The following XYLT1 variants were observed in gnomAD, a reference collection of about 807,000 sequenced individuals.
The protein encoded by XYLT1 is xylosyltransferase 1.
Under a neutral mutation model 91.3 loss-of-function variants are expected in XYLT1, and 36 were observed. The observed-to-expected ratio is 0.39, with a 90% CI of 0.30 to 0.52. The LOEUF (loss-of-function observed/expected upper bound fraction) is 0.52, where lower values mean the gene tolerates loss of function less well. Among genes scored for constraint, XYLT1 ranks in the 20% least tolerant of loss-of-function variants. XYLT1 has a pLI of 0.68. For synonymous variants in XYLT1, 588 were observed against 532.0 expected, an observed-to-expected ratio of 1.11 and a Z score of -1.45; for missense variants, 1,242 against 1,284.5, an observed-to-expected ratio of 0.97 and a Z score of 0.51.
At chr16:17,394,323 G>C (rs1451372863) in intron 1 of XYLT1, among the ~76,000 whole-genome samples, 1 of 152,204 alleles carries the variant, frequency 6.6e-6, no homozygotes, top group South Asian at 2.1e-4. Flanking sequence ...CACCGTTGCA[G>C]TTCACGGAGA....
At chr16:17,272,932 C>T (rs1005975495) in intron 2 of XYLT1, among the ~76,000 whole-genome samples, 3 of 152,092 alleles carry the variant, frequency 2.0e-5, no homozygotes, top group African/African-American at 4.8e-5. Context: ...GTTCTGGAAG[C>T]GTGTGGTGGC....
intron 5 of XYLT1, among the ~76,000 whole-genome samples, chr16:17,179,363 C>T (rs1171818314): frequency 6.6e-6 from 1 of 152,140 alleles, no homozygotes; most frequent in Admixed American, 6.5e-5. Flanking sequence ...GCACATGTAC[C>T]CCTGAACCTC....
intron 2 of XYLT1, chr16:17,338,095 A>G (rs1292409885): frequency 2.3e-5 from 10 of 429,656 alleles, no homozygotes; most frequent in Non-Finnish European, 4.7e-6. Context: ...TGGCCCTCAA[A>G]TCTGTCCCCT....
At chr16:17,386,659 A>G (rs1385356724) in intron 1 of XYLT1, among the ~76,000 whole-genome samples, 1 of 152,212 alleles carries the variant, frequency 6.6e-6, no homozygotes, top group African/African-American at 2.4e-5. Flanking sequence ...TGTCAATTGC[A>G]TCCAAGAAGA....
At chr16:17,450,929 G>A (rs2036657699) in intron 1 of XYLT1, among the ~76,000 whole-genome samples, 1 of 152,216 alleles carries the variant, frequency 6.6e-6, no homozygotes. Flanking sequence ...AGATGAGGGA[G>A]AGAAGTTCCG....
chr16:17,292,849 C>T (rs181833555), intron 2 of XYLT1, among the ~76,000 whole-genome samples: 15 of 152,298 alleles, frequency 9.8e-5, no homozygotes, highest in Non-Finnish European at 1.3e-4. Flanking sequence ...ACACTTTGCC[C>T]AGTCCCACGG....
rs1222488106 is a variant in XYLT1 at position 17,105,019 on chromosome 16, ACCTCTCCACCCCTAGATGTACC to A, written c.*3654_*3675del. ...GTTAACAGCTGTTTCTAGAATGTACACCTCTCCACCCCTAGATGTACCCCTCCACCTGAATGTACACCTCTCC... is the reference window on the plus strand; with the variant it reads ...GTTAACAGCTGTTTCTAGAATGTACACCTCCACCTGAATGTACACCTCTCC... On this transcript the variant is annotated 3_prime_UTR_variant, in exon 12 of 12. Coordinates refer to ENST00000261381, the MANE Select transcript of XYLT1 (RefSeq NM_022166.4). 1 of 133,970 alleles carries A rather than the reference ACCTCTCCACCCCTAGATGTACC, an allele frequency of 7.5e-6. No homozygotes were observed. The highest frequency in any genetic ancestry group is 4.1e-5 in the African/African-American group (1 of 24,552). The allele number at this position is 133,970 out of a possible 1,614,324, so 8.3% of individuals were successfully genotyped here. A position where few individuals can be genotyped will look rare whatever the true frequency, so the allele number is the denominator to read the frequency against.
At chr16:17,153,754 A>G (rs1597155457) in intron 6 of XYLT1, among the ~76,000 whole-genome samples, 1 of 152,180 alleles carries the variant, frequency 6.6e-6, no homozygotes, top group Admixed American at 6.5e-5. Flanking sequence ...AGAATCCCCC[A>G]TGTCCTGGTG....
chr16:17,314,675 A>G lies in XYLT1; in HGVS notation c.402+43337T>C, dbSNP rs530785087. ...GACACAGAAACAAGAAAACCACTAC[A>G]CTAGTGAGAGAAAAATCAATAATCA... On this transcript the variant is annotated intron_variant, in intron 2 of 11. Transcript: ENST00000261381. Among the ~76,000 whole-genome samples the G allele has an allele frequency of 6.6e-5, 10 of 152,304 alleles. No individual in the cohort carries two copies. In the South Asian group the frequency reaches 1.9e-3, roughly 28 times the overall value.
At chr16:17,300,452 CTTTTTTTT>C (rs67480834) in intron 2 of XYLT1, among the ~76,000 whole-genome samples, 2 of 64,840 alleles carry the variant, frequency 3.1e-5, no homozygotes, top group East Asian at 6.1e-4. Context: ...TTCATTCTTT[CTTTTTTTT>C]TTTTTTTTTT....
In XYLT1 at chr16:17,104,423, C is replaced by G. The variant is rs1237728273; in HGVS notation, c.*4272G>C. 6.6e-6 allele frequency: 1 copy of G among 152,214 alleles called. No individual in the cohort carries two copies. Among genetic ancestry groups the G allele is most frequent in the South Asian group, 2.1e-4 (1 of 4,820 alleles). The allele number at this position is 152,214 out of a possible 1,614,324, so 9.4% of individuals were successfully genotyped here. On this transcript the variant is annotated 3_prime_UTR_variant, in exon 12 of 12. Transcript: ENST00000261381. ...AGGAGAGCTGAATGATCCATCCCCC[C>G]TCTGTGGAATGGTCTCTTGAGGAGT...
chr16:17,318,234 C>T (rs747884151), intron 2 of XYLT1, among the ~76,000 whole-genome samples: 2 of 152,176 alleles, frequency 1.3e-5, no homozygotes, highest in Non-Finnish European at 2.9e-5. Flanking sequence ...GGGAACTGGA[C>T]CCTGGGTTTA....
At chr16:17,301,094 G>T (rs1047631443) in intron 2 of XYLT1, among the ~76,000 whole-genome samples, 28 of 152,112 alleles carry the variant, frequency 1.8e-4, no homozygotes, top group African/African-American at 6.8e-4. Context: ...GCAAAATTTG[G>T]GGGAGTATAT....
At chr16:17,346,899 T>C (rs1246388847) in intron 2 of XYLT1, among the ~76,000 whole-genome samples, 1 of 152,192 alleles carries the variant, frequency 6.6e-6, no homozygotes, top group East Asian at 1.9e-4. Flanking sequence ...CAGTTCTCTT[T>C]TGTTCAGTGG....
chr16:17,231,816 G>A (rs2033160328), intron 3 of XYLT1, among the ~76,000 whole-genome samples: 1 of 152,114 alleles, frequency 6.6e-6, no homozygotes, highest in African/African-American at 2.4e-5. Flanking sequence ...TACTTATCAT[G>A]AATGGAGCTT....
chr16:17,317,629 CAAAAAAAAA>C (rs35666149), intron 2 of XYLT1, among the ~76,000 whole-genome samples: 4 of 57,992 alleles, frequency 6.9e-5, no homozygotes, highest in African/African-American at 2.1e-4. Flanking sequence ...GACGCTGTCT[CAAAAAAAAA>C]AAAAAAAAAA....
At chr16:17,169,425 C>T (rs1333836421) in intron 5 of XYLT1, among the ~76,000 whole-genome samples, 1 of 152,234 alleles carries the variant, frequency 6.6e-6, no homozygotes, top group African/African-American at 2.4e-5. Flanking sequence ...CACAAAGCCT[C>T]AGTGCTTTCA....
chr16:17,212,401 CCT>C (rs935973823), intron 3 of XYLT1, among the ~76,000 whole-genome samples: 3 of 152,092 alleles, frequency 2.0e-5, no homozygotes, highest in Non-Finnish European at 4.4e-5. Flanking sequence ...TGAAACTCCC[CCT>C]GTGATTCTGA....
At chr16:17,164,499 C>T (rs1256018226) in intron 5 of XYLT1, among the ~76,000 whole-genome samples, 1 of 152,168 alleles carries the variant, frequency 6.6e-6, no homozygotes, top group Non-Finnish European at 1.5e-5. Flanking sequence ...GCAAAACTGA[C>T]ACTCTCTACC....
Sources: allele counts gnomAD v4.1 joint callset (sites outside exome capture counted in the v4.1 genomes callset), GRCh38; gene constraint gnomAD v4.1.1; transcripts MANE v1.5; gene names NCBI Gene and HGNC (gene_info 2026-07-23, HGNC 2026-07-21).